Variants in CFAP92 observed in about 807,000 individuals in gnomAD.
CFAP92 encodes cilia and flagella associated protein 92 (putative).
CFAP92 carries 86 observed loss-of-function variants against 106.3 expected under a neutral mutation model. The observed-to-expected ratio is 0.81, with a 90% confidence interval of 0.68 to 0.97. CFAP92 has a LOEUF of 0.97. Among genes scored for constraint, CFAP92 ranks in the 50% least tolerant of loss-of-function variants. The pLI, the probability that CFAP92 is intolerant of heterozygous loss-of-function variation, is 0.00. For missense variants in CFAP92, 1,204 were observed against 1,283.8 expected, an observed-to-expected ratio of 0.94 and a Z score of 0.95; for synonymous variants, 477 against 506.4, an observed-to-expected ratio of 0.94 and a Z score of 0.78.
intron 11 of CFAP92, 147 bp downstream of exon 11, chr3:128,934,978 T>G: frequency 1.8e-6 from 1 of 570,468 alleles, no homozygotes; most frequent in Non-Finnish European, 3.0e-6. Flanking sequence ...AGTCACAGCA[T>G]CTGGGCGGAT....
rs1220274212 is a variant in CFAP92, at chr3:128,962,628, T to C, written c.1353+2883A>G. 2.0e-5 allele frequency among the ~76,000 whole-genome samples: 3 copies of C among 152,260 alleles called. No individual in the cohort carries two copies. The East Asian group carries it at 5.8e-4, about 29-fold the overall frequency. On this transcript the variant is annotated intron_variant, in intron 9 of 15. Transcript: ENST00000645291. ...AGACCTCTACTCCCTCCTTGGCAAC[T>C]GATCACGCACCCCTTACCATCTCAT...
intron 10 of CFAP92, among the ~76,000 whole-genome samples, chr3:128,941,902 T>C (rs1939672780): frequency 6.6e-6 from 1 of 152,260 alleles, no homozygotes; most frequent in Non-Finnish European, 1.5e-5. Flanking sequence ...TCCCTGCATA[T>C]GAACTTTTTT....
At chr3:128,998,849 C>A (rs891257967), upstream of CFAP92, among the ~76,000 whole-genome samples, 1 of 152,186 alleles carries the variant, frequency 6.6e-6, no homozygotes, top group African/African-American at 2.4e-5. Flanking sequence ...GAATGAGCTA[C>A]GATTTGCACA....
In CFAP92 at chr3:128,945,923, T is replaced by G. The variant is rs1426704926; in HGVS notation, c.1406A>C (p.His469Pro). Residue 469 changes from histidine to proline, a missense_variant, in exon 10 of 16, where the codon CAC (histidine) becomes CCC (proline). Physicochemically the swap from His to Pro is moderately conservative, Grantham distance 77. Transcript: ENST00000645291. ...TCCATGGGGCTCCCCCTTGGTCTTG[T>G]GAACTGGAGTCTTATGGAACTGGTA... is the stretch of plus-strand genomic sequence containing the variant. ...CKYQFHKTPV[H>P]KTKGEPHGTH... The G allele has an allele frequency of 6.9e-6, 10 of 1,452,782 alleles. No homozygotes were observed. Among genetic ancestry groups the G allele is most frequent in the Non-Finnish European group, 9.0e-6 (10 of 1,110,484 alleles). 90.0% of individuals were successfully genotyped at this position (1,452,782 alleles called of 1,614,324 possible).
intron 9 of CFAP92, among the ~76,000 whole-genome samples, chr3:128,963,625 T>C (rs548245061): frequency 5.0e-4 from 75 of 150,872 alleles, no homozygotes; most frequent in Non-Finnish European, 8.1e-4. Context: ...CATTTCCCCA[T>C]ATTTCCTTCT....
rs1306062623 is a variant in CFAP92, at chr3:128,945,768, A to G, written c.1561T>C (p.Cys521Arg). ...CCAAACAGCACGGGCTTCTGAGAACACTCCTCTGACTTGCGGTCCCGGTCG... is the reference window on the plus strand; with the variant it reads ...CCAAACAGCACGGGCTTCTGAGAACGCTCCTCTGACTTGCGGTCCCGGTCG... ...VHDRDRKSEE[C>R]SQKPVLFGED... The change falls in exon 10 of 16, where the codon TGT (cysteine) becomes CGT (arginine). Residue 521 changes from cysteine to arginine, a missense_variant. Cys to Arg is a radical substitution (Grantham distance 180). Coordinates refer to ENST00000645291, the MANE Select transcript of CFAP92 (RefSeq NM_001394090.1). 8 of 1,532,320 alleles carry G rather than the reference A, an allele frequency of 5.2e-6. No individual in the cohort carries two copies. Among genetic ancestry groups the G allele is most frequent in the Non-Finnish European group, 7.0e-6 (8 of 1,145,362 alleles). The allele number at this position is 1,532,320 out of a possible 1,614,324, so 94.9% of individuals were successfully genotyped here. A position where few individuals can be genotyped will look rare whatever the true frequency, so the allele number is the denominator to read the frequency against.
chr3:128,998,277 G>A (rs1175130823), upstream of CFAP92, among the ~76,000 whole-genome samples: 1 of 152,184 alleles, frequency 6.6e-6, no homozygotes, highest in Non-Finnish European at 1.5e-5. Flanking sequence ...GTCTTTTGAA[G>A]TGCAAATGTT....
chr3:128,956,443 A>G (rs1417304294), intron 9 of CFAP92, among the ~76,000 whole-genome samples: 2 of 152,074 alleles, frequency 1.3e-5, no homozygotes. Context: ...GGCAAAATAC[A>G]TAAGCCTATA....
intron 2 of CFAP92, among the ~76,000 whole-genome samples, chr3:128,991,079 CCA>C (rs1259818428): frequency 6.6e-6 from 1 of 151,986 alleles, no homozygotes; most frequent in Admixed American, 6.6e-5. Flanking sequence ...AAGTTTTGCC[CCA>C]CAGAGATCCA....
chr3:128,929,746 C>CA (rs1938128952), intron 12 of CFAP92, among the ~76,000 whole-genome samples: 1 of 152,136 alleles, frequency 6.6e-6, no homozygotes, highest in African/African-American at 2.4e-5. Flanking sequence ...GAAAGTAGAT[C>CA]AGTGGTTATG....
At chr3:128,913,918 C>G (rs953735051) in intron 15 of CFAP92, among the ~76,000 whole-genome samples, 9 of 152,174 alleles carry the variant, frequency 5.9e-5, no homozygotes, top group African/African-American at 2.2e-4. Flanking sequence ...GACCCACCCC[C>G]CTTCTGTGCA....
Position 128,945,292 on chromosome 3 carries a change from G to T in CFAP92, c.2037C>A (p.Asp679Glu), listed in dbSNP as rs1338092495. 6.5e-7 allele frequency: 1 copy of T among 1,536,170 alleles called. No individual in the cohort carries two copies. Among genetic ancestry groups the T allele is most frequent in the South Asian group, 1.2e-5 (1 of 84,064 alleles). Reference sequence around the variant, plus strand: ...GGGCCTTAGCGTTGATCATGGTGATGTCCTGCAGCAGGCTGTGGAGCAGGG... The same window carrying T: ...GGGCCTTAGCGTTGATCATGGTGATTTCCTGCAGCAGGCTGTGGAGCAGGG... The part of the protein sequence containing the change: ...KVSLLHSLLQ[D>E]ITMINAKALG... The change falls in exon 10 of 16, where the codon GAC (aspartate) becomes GAA (glutamate). Residue 679 changes from aspartate (D) to glutamate (E), a missense_variant. Asp to Glu is a conservative substitution (Grantham distance 45). Transcript: ENST00000645291.
At chr3:128,956,684 A>T (rs919041119) in intron 9 of CFAP92, among the ~76,000 whole-genome samples, 84 of 148,286 alleles carry the variant, frequency 5.7e-4, no homozygotes, top group African/African-American at 1.6e-3. Context: ...TTCAAGTGTT[A>T]AAAAAAAAAA....
At chr3:128,965,998 C>G (rs1012912817) in intron 8 of CFAP92, among the ~76,000 whole-genome samples, 6 of 152,020 alleles carry the variant, frequency 3.9e-5, no homozygotes, top group African/African-American at 1.2e-4. Context: ...AATAGGAACA[C>G]CTATGTGTGG....
At chr3:128,952,139 T>C (rs1022438917) in intron 9 of CFAP92, among the ~76,000 whole-genome samples, 4 of 150,330 alleles carry the variant, frequency 2.7e-5, no homozygotes, top group Admixed American at 6.6e-5. Context: ...TCTTCTTCTT[T>C]TTTTTTTTTT....
intron 1 of CFAP92, chr3:129,002,530 C>G: frequency 1.9e-6 from 2 of 1,035,390 alleles, no homozygotes; most frequent in Admixed American, 4.0e-5. Flanking sequence ...TTCTTACCAC[C>G]TATTCCATTC....
chr3:128,939,127 T>G (rs1939361839), intron 10 of CFAP92, among the ~76,000 whole-genome samples: 1 of 152,160 alleles, frequency 6.6e-6, no homozygotes, highest in South Asian at 2.1e-4. Flanking sequence ...GAACTTTTTT[T>G]GTCTGCTAGA....
chr3:128,920,091 T>C (rs1459990821), intron 12 of CFAP92, among the ~76,000 whole-genome samples: 2 of 152,134 alleles, frequency 1.3e-5, no homozygotes, highest in African/African-American at 4.8e-5. Context: ...AATCCAGATA[T>C]TGGAAGTATC....
At position 128,971,350 on chromosome 3, in the gene CFAP92, G is replaced by C. The variant is rs760139774; in HGVS notation, c.1105C>G (p.Leu369Val). 1.4e-5 allele frequency: 22 copies of C among 1,613,634 alleles called. No individual in the cohort carries two copies. Among genetic ancestry groups the C allele is most frequent in the Non-Finnish European group, 1.9e-5 (22 of 1,179,746 alleles). ...GCGCTCTGCTTCCTGGGGCCTGTCAGCGTGGGGTCTGCCTCTTCTTCTGCC... is the reference window on the plus strand; with the variant it reads ...GCGCTCTGCTTCCTGGGGCCTGTCACCGTGGGGTCTGCCTCTTCTTCTGCC... ...PLAEEEADPT[L>V]TGPRKQSAFS... Residue 369 changes from leucine (L) to valine (V), a missense_variant, in exon 8 of 16, where the codon CTG becomes GTG. Leu to Val is a conservative substitution (Grantham distance 32). Transcript: ENST00000645291.
Sources: allele counts gnomAD v4.1 joint callset (sites outside exome capture counted in the v4.1 genomes callset), GRCh38; gene constraint gnomAD v4.1.1; transcripts MANE v1.5; gene names NCBI Gene and HGNC (gene_info 2026-07-23, HGNC 2026-07-21).